Variants in CX3CR1 observed in about 807,000 individuals in gnomAD.
CX3CR1 encodes the protein C-X3-C motif chemokine receptor 1.
For missense variants in CX3CR1, 363 were observed against 432.4 expected, an observed-to-expected ratio of 0.84 and a Z score of 1.42; for synonymous variants, 168 against 178.5, an observed-to-expected ratio of 0.94 and a Z score of 0.47.
chr3:39,281,841 C>T (rs908648673), upstream of CX3CR1: 15 of 638,094 alleles, frequency 2.4e-5, no homozygotes, highest in South Asian at 3.6e-5. Context: ...CTGTCCAGGA[C>T]GTGATTTTAC....
At chr3:39,279,098 C>A (rs942855383) in intron 1 of CX3CR1, among the ~76,000 whole-genome samples, 1 of 152,080 alleles carries the variant, frequency 6.6e-6, no homozygotes, top group African/African-American at 2.4e-5. Flanking sequence ...GCAGAGGTTG[C>A]AGTGAGCCGA....
At chr3:39,283,839 ATAAT>A (rs1456777800), upstream of CX3CR1, among the ~76,000 whole-genome samples, 136 of 121,598 alleles carry the variant, frequency 1.1e-3, 1 homozygote, top group African/African-American at 1.8e-3. Context: ...ATATATATAT[ATAAT>A]GTGGTTAATA....
rs373388311 is a variant in CX3CR1, at chr3:39,271,740, C to A, written c.-9-5222G>T. On this transcript the variant is annotated intron_variant, in intron 1 of 1. Transcript: ENST00000399220. ...AAATGCCCCAGAGCATGTGAAGGCA[C>A]CATTTACATAAAAAATCTGACATCG... Among the ~76,000 whole-genome samples the A allele has an allele frequency of 3.9e-5, 6 of 152,190 alleles. No individual in the cohort carries two copies. In the East Asian group the frequency reaches 9.6e-4, roughly 24 times the overall value.
At position 39,265,491 on chromosome 3, in the gene CX3CR1, C is replaced by T. The variant is rs1385585701; in HGVS notation, c.1019G>A (p.Ser340Asn). The T allele has an allele frequency of 7.4e-6, 12 of 1,613,888 alleles. No individual in the cohort carries two copies. In the South Asian group the frequency reaches 1.3e-4, roughly 18 times the overall value. The change falls in exon 2 of 2, where the codon AGC (serine) becomes AAC (asparagine). Residue 340 changes from serine to asparagine, a missense_variant. Ser to Asn is a conservative substitution (Grantham distance 46). Coordinates refer to ENST00000399220, the MANE Select transcript of CX3CR1 (RefSeq NM_001337.4). ...ATCACTCGTGTGGTAAGTAAAATTG[C>T]TGCTCAGAACACTTCCATGCCTGCT... The part of the protein sequence containing the change: ...QRSRHGSVLS[S>N]NFTYHTSDGD...
At chr3:39,288,576 C>T in the CX3CR1 span, among the ~76,000 whole-genome samples, 1 of 152,260 alleles carries the variant, frequency 6.6e-6, no homozygotes, top group South Asian at 2.1e-4. Flanking sequence ...AGCCAATCAG[C>T]AGAGATGGCC....
the CX3CR1 span, among the ~76,000 whole-genome samples, chr3:39,290,014 T>C: frequency 1.3e-5 from 2 of 152,210 alleles, no homozygotes; most frequent in African/African-American, 4.8e-5. Flanking sequence ...TTAATGTCAA[T>C]TAATCAGGGT....
the CX3CR1 span, among the ~76,000 whole-genome samples, chr3:39,289,295 C>G: frequency 1.3e-5 from 2 of 152,186 alleles, no homozygotes; most frequent in South Asian, 2.1e-4. Context: ...AAAGAAGGAG[C>G]AATCTCTTCC....
upstream of CX3CR1, chr3:39,280,980 C>T: frequency 1.7e-6 from 1 of 587,702 alleles, no homozygotes; most frequent in East Asian, 1.4e-4. Context: ...TGGTCTGTGA[C>T]CCCTTCAAGG....
intron 1 of CX3CR1, among the ~76,000 whole-genome samples, chr3:39,274,270 C>CAG (rs1162246471): frequency 6.6e-6 from 1 of 152,180 alleles, no homozygotes; most frequent in Admixed American, 6.5e-5. Flanking sequence ...CCTTGGGATT[C>CAG]AGAGAGAGCT....
At chr3:39,292,769 C>T in the CX3CR1 span, among the ~76,000 whole-genome samples, 1 of 152,188 alleles carries the variant, frequency 6.6e-6, no homozygotes, top group African/African-American at 2.4e-5. Flanking sequence ...CAGTCTGACT[C>T]TGGAACCTGA....
upstream of CX3CR1, chr3:39,286,030 G>A (rs2040940374): frequency 6.6e-6 from 1 of 152,088 alleles, no homozygotes. Flanking sequence ...CTGTATCATT[G>A]GCCAGATATT....
chr3:39,266,148 G>T lies in CX3CR1; in HGVS notation c.362C>A (p.Thr121Asn). 6 of 1,614,206 alleles carry T rather than the reference G, an allele frequency of 3.7e-6. No homozygotes were observed. The highest frequency in any genetic ancestry group is 1.1e-5 in the South Asian group (1 of 91,088). ...CAGGTACCTATCAATGCTGATGACG[G>T]TGATGAAGAATATGCTTCCAAAAAA... Reference protein sequence around the residue: ...IGFFGSIFFITVISIDRYLAI... With the variant: ...IGFFGSIFFINVISIDRYLAI... Residue 121 changes from threonine to asparagine, a missense_variant, in exon 2 of 2, where the codon ACC (threonine) becomes AAC (asparagine). Transcript: ENST00000399220.
At chr3:39,272,686 A>G (rs1380047015) in intron 1 of CX3CR1, among the ~76,000 whole-genome samples, 1 of 152,156 alleles carries the variant, frequency 6.6e-6, no homozygotes, top group Non-Finnish European at 1.5e-5. Flanking sequence ...AAAAGTGAAG[A>G]CTGGGTTTGA....
chr3:39,291,628 T>A, the CX3CR1 span, among the ~76,000 whole-genome samples: 4 of 152,212 alleles, frequency 2.6e-5, no homozygotes, highest in African/African-American at 7.2e-5. Context: ...TTTTGGTTTA[T>A]AGGAACAATG....
Position 39,266,028 on chromosome 3 carries a change from G to A in CX3CR1, c.482C>T (p.Ala161Val). ...CTTTGTGAACATGAACTGGGGTGCT[G>A]CCACCAAAATGGCTGCTGCCCAGAC... The part of the protein sequence containing the change: ...LGVWAAAILV[A>V]APQFMFTKQK... The change falls in exon 2 of 2, where the codon GCA becomes GTA. Residue 161 changes from alanine (A) to valine (V), a missense_variant. Coordinates refer to ENST00000399220, the MANE Select transcript of CX3CR1 (RefSeq NM_001337.4). 6.2e-7 allele frequency: 1 copy of A among 1,614,214 alleles called. No homozygotes were observed. The highest frequency in any genetic ancestry group is 8.5e-7 in the Non-Finnish European group (1 of 1,180,038).
At chr3:39,268,104 C>T (rs1210895741) in intron 1 of CX3CR1, among the ~76,000 whole-genome samples, 1 of 152,212 alleles carries the variant, frequency 6.6e-6, no homozygotes, top group East Asian at 1.9e-4. Context: ...CAGGTGGTGT[C>T]TCACCAAGAT....
chr3:39,273,653 G>T (rs1214957416), intron 1 of CX3CR1, among the ~76,000 whole-genome samples: 1 of 152,168 alleles, frequency 6.6e-6, no homozygotes, highest in Non-Finnish European at 1.5e-5. Context: ...GAAACTGTTT[G>T]TTTGAGACAG....
intron 1 of CX3CR1, among the ~76,000 whole-genome samples, chr3:39,273,273 G>T (rs2040801470): frequency 6.6e-6 from 1 of 152,230 alleles, no homozygotes; most frequent in Admixed American, 6.5e-5. Context: ...TTGGTGAGTG[G>T]AAAATGGAAT....
the CX3CR1 span, among the ~76,000 whole-genome samples, chr3:39,289,276 CG>C: frequency 4.0e-5 from 6 of 151,874 alleles, no homozygotes; most frequent in African/African-American, 1.5e-4. Flanking sequence ...ATCTGTGTTC[CG>C]GGGATACAAA....
Sources: allele counts gnomAD v4.1 joint callset (sites outside exome capture counted in the v4.1 genomes callset), GRCh38; gene constraint gnomAD v4.1.1; transcripts MANE v1.5; gene names NCBI Gene and HGNC (gene_info 2026-07-23, HGNC 2026-07-21).